Variants in ACOT7 observed in about 807,000 individuals in gnomAD.
ACOT7 encodes the protein cytosolic acyl coenzyme A thioester hydrolase.
ACOT7 carries 12 observed loss-of-function variants against 40.2 expected under a neutral mutation model. The observed-to-expected ratio is 0.30, with a 90% confidence interval of 0.19 to 0.48. ACOT7 has a LOEUF of 0.48. ACOT7 is among the 20% of genes least tolerant of loss of function. ACOT7 has a pLI of 0.99. For missense variants in ACOT7, 395 were observed against 530.8 expected, an observed-to-expected ratio of 0.74 and a Z score of 2.51; for synonymous variants, 228 against 219.5, an observed-to-expected ratio of 1.04 and a Z score of -0.34.
At chr1:6,386,500 G>C (rs1473758414) in intron 1 of ACOT7, among the ~76,000 whole-genome samples, 1 of 152,106 alleles carries the variant, frequency 6.6e-6, no homozygotes, top group Non-Finnish European at 1.5e-5. Context: ...GCAAATCCCG[G>C]ATTTCCCAGT....
rs551888323 is a variant in ACOT7 at position 6,330,775 on chromosome 1, C to T, written c.510+2702G>A. On this transcript the variant is annotated intron_variant, in intron 4 of 8. Transcript: ENST00000361521. This position sits in a 1 kb window ranked among gnomAD's most constrained non-coding sequence, Gnocchi z 4.6. The stretch of plus-strand genomic sequence containing the variant: ...AAAAACCCAACAGCTCTTGGCGCAT[C>T]GATCCTAAGCGACAAGGCAGCAAAA... 2.6e-5 allele frequency among the ~76,000 whole-genome samples: 4 copies of T among 152,264 alleles called. No homozygotes were observed. The South Asian group carries it at 6.2e-4, about 24-fold the overall frequency.
intron 1 of ACOT7, among the ~76,000 whole-genome samples, chr1:6,390,222 G>C (rs984773436): frequency 6.6e-6 from 1 of 152,200 alleles, no homozygotes; most frequent in Non-Finnish European, 1.5e-5. Flanking sequence ...CTCATGAGCA[G>C]GGGCAGCCAA....
intron 7 of ACOT7, among the ~76,000 whole-genome samples, chr1:6,292,032 C>A (rs944294262): frequency 1.3e-5 from 2 of 152,214 alleles, no homozygotes; most frequent in Non-Finnish European, 2.9e-5. Flanking sequence ...AAGGACCTGG[C>A]AGGTGTGACA....
In ACOT7 at chr1:6,338,316, C is replaced by T. The variant is rs1641166280; in HGVS notation, c.418+1117G>A. ...GAGATGGCAGGGAACCCCCAAGGCC[C>T]CTAAAGTGGGGAACCCACCCAGCCC... On this transcript the variant is annotated intron_variant, in intron 3 of 8. Coordinates refer to ENST00000361521, the MANE Select transcript of ACOT7 (RefSeq NM_007274.4). The surrounding 1 kb of genome is among the most constrained non-coding windows in gnomAD (Gnocchi z 4.4). 1.3e-5 allele frequency among the ~76,000 whole-genome samples: 2 copies of T among 152,190 alleles called. No homozygotes were observed. Among genetic ancestry groups the T allele is most frequent in the African/African-American group, 4.8e-5 (2 of 41,448 alleles).
At chr1:6,318,372 G>A in intron 6 of ACOT7, 120 bp downstream of exon 6, 2 of 1,121,978 alleles carry the variant, frequency 1.8e-6, no homozygotes, top group East Asian at 2.6e-5. Flanking sequence ...ACAACTTCTT[G>A]GAAGTTTGTA....
intron 2 of ACOT7, among the ~76,000 whole-genome samples, chr1:6,349,313 C>T (rs915409139): frequency 2.0e-5 from 3 of 152,334 alleles, no homozygotes; most frequent in Non-Finnish European, 4.4e-5. Flanking sequence ...CAGAGAGCCA[C>T]GGCACTTGCT....
At chr1:6,373,226 T>C (rs1642166031) in intron 1 of ACOT7, among the ~76,000 whole-genome samples, 1 of 151,938 alleles carries the variant, frequency 6.6e-6, no homozygotes, top group Admixed American at 6.6e-5. Context: ...ATGGTGCCAA[T>C]AGACTTGCTC....
At chr1:6,303,549 C>T (rs1433221842) in intron 6 of ACOT7, among the ~76,000 whole-genome samples, 1 of 152,248 alleles carries the variant, frequency 6.6e-6, no homozygotes, top group Non-Finnish European at 1.5e-5. Flanking sequence ...CAGTTCACAG[C>T]TCGGAGCCCG....
At chr1:6,346,052 G>C (rs1171161064) in intron 2 of ACOT7, among the ~76,000 whole-genome samples, 3 of 152,236 alleles carry the variant, frequency 2.0e-5, no homozygotes, top group African/African-American at 7.2e-5. Flanking sequence ...GAGTGGAGCA[G>C]CAGCTGGAAG....
chr1:6,362,975 A>G (rs930935599), intron 1 of ACOT7, among the ~76,000 whole-genome samples: 2 of 152,210 alleles, frequency 1.3e-5, no homozygotes, highest in African/African-American at 4.8e-5. Flanking sequence ...CAAGGGCATG[A>G]GCTTTTCCAG....
At chr1:6,351,753 A>G (rs1480360912) in intron 1 of ACOT7, among the ~76,000 whole-genome samples, 1 of 152,252 alleles carries the variant, frequency 6.6e-6, no homozygotes, top group East Asian at 1.9e-4. Context: ...TGTGAAGTGG[A>G]GCCACACACA....
intron 4 of ACOT7, among the ~76,000 whole-genome samples, chr1:6,331,983 G>A (rs1035229310): frequency 4.6e-5 from 7 of 152,152 alleles, no homozygotes; most frequent in African/African-American, 9.7e-5. Flanking sequence ...CCTGGTGACC[G>A]GGGGGCCACG....
intron 6 of ACOT7, among the ~76,000 whole-genome samples, chr1:6,307,173 C>T (rs1459478382): frequency 6.6e-6 from 1 of 152,248 alleles, no homozygotes; most frequent in Non-Finnish European, 1.5e-5. Context: ...CCTGGTGGAG[C>T]ACGGCGGGGC....
chr1:6,350,971 G>A (rs543930566), intron 1 of ACOT7, among the ~76,000 whole-genome samples: 7 of 152,286 alleles, frequency 4.6e-5, no homozygotes, highest in South Asian at 2.1e-4. Context: ...CACGCAGATC[G>A]CACACTCACT....
At chr1:6,270,173 G>A (rs1163986462) in intron 8 of ACOT7, among the ~76,000 whole-genome samples, 1 of 152,264 alleles carries the variant, frequency 6.6e-6, no homozygotes, top group Admixed American at 6.5e-5. Flanking sequence ...GAAGCTGACA[G>A]AGCAAGACAG....
At chr1:6,318,407 G>T in intron 6 of ACOT7, 85 bp downstream of exon 6, 1 of 1,420,432 alleles carries the variant, frequency 7.0e-7, no homozygotes, top group Non-Finnish European at 9.8e-7. Context: ...AGAGCCTCAA[G>T]TGTGTCAGAC....
chr1:6,334,497 C>T (rs771789969), intron 3 of ACOT7, among the ~76,000 whole-genome samples: 15 of 152,278 alleles, frequency 9.9e-5, no homozygotes, highest in Non-Finnish European at 1.8e-4. Context: ...CACAGAGCAG[C>T]GGAGCCAGCT....
chr1:6,381,325 TTTAA>T (rs1642330637), intron 1 of ACOT7, among the ~76,000 whole-genome samples: 1 of 151,824 alleles, frequency 6.6e-6, no homozygotes, highest in Admixed American at 6.6e-5. Context: ...TAGCAATATA[TTTAA>T]TTTTCAGTTT....
chr1:6,328,668 C>T (rs12569357), intron 4 of ACOT7, among the ~76,000 whole-genome samples: 2 of 152,082 alleles, frequency 1.3e-5, no homozygotes, highest in Admixed American at 6.6e-5. Flanking sequence ...GGCGACAGAG[C>T]GAGACTCCGT....
Sources: gnomAD v4.1 joint callset for allele counts (sites outside exome capture counted in the v4.1 genomes callset) on GRCh38, gnomAD v4.1.1 for gene constraint, Gnocchi (gnomAD v3.1) non-coding constraint, MANE v1.5 for transcripts, NCBI Gene and HGNC (gene_info 2026-07-23, HGNC 2026-07-21) for gene names.